The following GRIP1 variants were observed in gnomAD, a reference collection of about 807,000 sequenced individuals.
GRIP1 encodes the protein glutamate receptor-interacting protein 1.
GRIP1 carries 45 observed loss-of-function variants against 129.9 expected under a neutral mutation model. The observed-to-expected ratio is 0.35, with a 90% confidence interval of 0.27 to 0.44. GRIP1 has a LOEUF of 0.44. Among genes scored for constraint, GRIP1 ranks in the 20% least tolerant of loss-of-function variants. The pLI, the probability that GRIP1 is intolerant of heterozygous loss-of-function variation, is 1.00. For missense variants in GRIP1, 1,196 were observed against 1,396.8 expected, an observed-to-expected ratio of 0.86 and a Z score of 2.29; for synonymous variants, 530 against 520.8, an observed-to-expected ratio of 1.02 and a Z score of -0.24.
chr12:66,921,751 C>CA (rs1185637428), intron 1 of GRIP1, among the ~76,000 whole-genome samples: 1 of 152,224 alleles, frequency 6.6e-6, no homozygotes, highest in Non-Finnish European at 1.5e-5. Flanking sequence ...CTGGAATCTC[C>CA]AATAGGAAGC....
upstream of GRIP1, among the ~76,000 whole-genome samples, chr12:66,683,824 T>C (rs530382525): frequency 6.6e-6 from 1 of 152,146 alleles, no homozygotes; most frequent in Non-Finnish European, 1.5e-5. Context: ...AGATAGAATA[T>C]GTAGAAATTG....
chr12:66,889,937 G>GT (rs1393910206), intron 1 of GRIP1, among the ~76,000 whole-genome samples: 9 of 150,384 alleles, frequency 6.0e-5, no homozygotes, highest in African/African-American at 9.8e-5. Context: ...TTTGTTTTTT[G>GT]TTTTTTTTAT....
intron 14 of GRIP1, among the ~76,000 whole-genome samples, chr12:66,421,253 C>CT (rs967680610): frequency 2.0e-5 from 3 of 151,796 alleles, no homozygotes; most frequent in African/African-American, 4.8e-5. Context: ...ATTTAAAGTT[C>CT]TTTTTTTTGG....
At chr12:66,393,106 G>A (rs2056653118) in intron 17 of GRIP1, among the ~76,000 whole-genome samples, 1 of 145,336 alleles carries the variant, frequency 6.9e-6, no homozygotes. Flanking sequence ...AAAATCCCAA[G>A]AAAATGAACA....
At chr12:66,475,347 C>T (rs1190970550) in intron 7 of GRIP1, among the ~76,000 whole-genome samples, 1 of 152,142 alleles carries the variant, frequency 6.6e-6, no homozygotes, top group Non-Finnish European at 1.5e-5. Flanking sequence ...TAGAGACCTA[C>T]AAAGAGACTT....
chr12:66,681,997 A>G (rs775171432), upstream of GRIP1, among the ~76,000 whole-genome samples: 2 of 152,144 alleles, frequency 1.3e-5, no homozygotes, highest in African/African-American at 2.4e-5. Context: ...GAAAAGGAAA[A>G]CTGGTTTCAG....
At position 66,669,259 on chromosome 12, in the gene GRIP1, G is replaced by T. The variant is rs1023566170; in HGVS notation, c.55+9591C>A. 5.3e-5 allele frequency among the ~76,000 whole-genome samples: 8 copies of T among 152,156 alleles called. No homozygotes were observed. In the East Asian group the frequency reaches 1.6e-3, roughly 30 times the overall value. On this transcript the variant is annotated intron_variant, in intron 1 of 24. Coordinates refer to ENST00000359742, the MANE Select transcript of GRIP1 (RefSeq NM_001366722.1). ...ACAAATTAGCCAGGTGTGGTGATGGGTGCCTGTAATCCCAGCTACTCGGGA... is the reference window on the plus strand; with the variant it reads ...ACAAATTAGCCAGGTGTGGTGATGGTTGCCTGTAATCCCAGCTACTCGGGA...
intron 11 of GRIP1, among the ~76,000 whole-genome samples, chr12:66,451,022 C>T (rs17826399): frequency 0.23 from 35,058 of 152,000 alleles, 4,533 homozygotes; most frequent in Middle Eastern, 0.41. Context: ...TGCAAGCTAC[C>T]GGCTTTGGCT....
intron 1 of GRIP1, among the ~76,000 whole-genome samples, chr12:66,992,882 G>A (rs2042414216): frequency 6.6e-6 from 1 of 152,176 alleles, no homozygotes. Context: ...GGAGGCCAAG[G>A]CAGGCAGGCT....
intron 1 of GRIP1, among the ~76,000 whole-genome samples, chr12:66,661,778 GT>G (rs1301751878): frequency 2.0e-5 from 3 of 152,070 alleles, no homozygotes; most frequent in African/African-American, 7.2e-5. Flanking sequence ...ACAATGGCCA[GT>G]ATTCTATTTC....
At chr12:67,003,401 G>T (rs1471384336) in intron 1 of GRIP1, among the ~76,000 whole-genome samples, 1 of 152,128 alleles carries the variant, frequency 6.6e-6, no homozygotes, top group Non-Finnish European at 1.5e-5. Context: ...TCTTAAAAAT[G>T]ATCATTCTGG....
chr12:66,420,780 C>T lies in GRIP1; in HGVS notation c.1778G>A (p.Ser593Asn). Reference sequence around the variant, plus strand: ...GACGAGGGGGTCTCCTGGTTTTCTACTGGATGGTGCTGTAATAATGGAGAT... The same window carrying T: ...GACGAGGGGGTCTCCTGGTTTTCTATTGGATGGTGCTGTAATAATGGAGAT... Reference protein sequence around the residue: ...ELGITISSPSSRKPGDPLVIS... With the variant: ...ELGITISSPSNRKPGDPLVIS... Residue 593 changes from serine (S) to asparagine (N), a missense_variant, in exon 15 of 25, where the codon AGT becomes AAT. Ser to Asn is a conservative substitution (Grantham distance 46). Transcript: ENST00000359742. 6.4e-7 allele frequency: 1 copy of T among 1,555,624 alleles called. No homozygotes were observed. The highest frequency in any genetic ancestry group is 8.9e-7 in the Non-Finnish European group (1 of 1,126,468).
intron 7 of GRIP1, among the ~76,000 whole-genome samples, chr12:66,472,181 A>AC: frequency 6.6e-6 from 1 of 152,310 alleles, no homozygotes; most frequent in African/African-American, 2.4e-5. Flanking sequence ...AGTCCCATGG[A>AC]AGTGGACTTT....
intron 1 of GRIP1, among the ~76,000 whole-genome samples, chr12:66,946,773 T>TG (rs1227904171): frequency 8.8e-5 from 2 of 22,774 alleles, no homozygotes; most frequent in African/African-American, 2.4e-4. Context: ...GGTCGGGGGG[T>TG]GGGGTGGGGG....
At chr12:66,920,698 T>G (rs2041199193) in intron 1 of GRIP1, among the ~76,000 whole-genome samples, 1 of 152,234 alleles carries the variant, frequency 6.6e-6, no homozygotes, top group East Asian at 1.9e-4. Context: ...ATCAGGCCCA[T>G]AGCCCAAAAG....
chr12:66,709,966 T>C (rs1000840126), intron 1 of GRIP1, among the ~76,000 whole-genome samples: 1 of 151,982 alleles, frequency 6.6e-6, no homozygotes, highest in South Asian at 2.1e-4. Context: ...GAATTATATG[T>C]TATTAGGAAG....
chr12:66,638,755 C>T (rs73127190), intron 1 of GRIP1, among the ~76,000 whole-genome samples: 29,810 of 151,360 alleles, frequency 0.2, 3,036 homozygotes, highest in Non-Finnish European at 0.23. Flanking sequence ...CTCTCTCTCT[C>T]TTTTTTTTGT....
At chr12:66,787,914 G>A (rs1394858253) in intron 1 of GRIP1, among the ~76,000 whole-genome samples, 1 of 152,066 alleles carries the variant, frequency 6.6e-6, no homozygotes. Flanking sequence ...CCTACCATCA[G>A]CCAAGGCGCC....
chr12:67,022,762 G>C (rs2042887374), intron 1 of GRIP1, among the ~76,000 whole-genome samples: 2 of 151,932 alleles, frequency 1.3e-5, no homozygotes, highest in Admixed American at 6.6e-5. Context: ...TTGTTACATG[G>C]GTATACCACG....
Sources: allele counts gnomAD v4.1 joint callset (sites outside exome capture counted in the v4.1 genomes callset), GRCh38; gene constraint gnomAD v4.1.1; transcripts MANE v1.5; gene names NCBI Gene and HGNC (gene_info 2026-07-23, HGNC 2026-07-21).